The following CDK12 variants were observed in gnomAD, a reference collection of about 807,000 sequenced individuals.
The protein encoded by CDK12 is cyclin dependent kinase 12, also known as cyclin-dependent kinase 12.
In CDK12, 17 loss-of-function variants were observed where a neutral mutation model predicts 133.8. The observed-to-expected ratio is 0.13, with a 90% CI of 0.09 to 0.19. CDK12 has a LOEUF of 0.19. Ranked by LOEUF, CDK12 falls within the 10% of genes least tolerant of loss-of-function variation. The pLI is 1.00. For synonymous variants in CDK12, 694 were observed against 683.6 expected (o/e 1.02, Z -0.24); for missense variants, 1,508 against 1,818.7 (o/e 0.83, Z 3.11).
chr17:39,463,808 C>G (rs2049111979), intron 1 of CDK12, among the ~76,000 whole-genome samples: 1 of 151,814 alleles, frequency 6.6e-6, no homozygotes, highest in African/African-American at 2.4e-5. Context: ...CTCTAAAACA[C>G]ATAGTAATAA....
At chr17:39,536,215 A>G (rs2055128370), downstream of CDK12, among the ~76,000 whole-genome samples, 1 of 151,630 alleles carries the variant, frequency 6.6e-6, no homozygotes, top group African/African-American at 2.4e-5. Context: ...CTTTCTCCCC[A>G]CTCACCATTC....
In CDK12 at chr17:39,462,162, AACAGCAGAGAGCGTC is replaced by A. The variant is rs1567667826; in HGVS notation, c.94_108del (p.Ser32_His36del). 1 of 1,614,160 alleles carries A rather than the reference AACAGCAGAGAGCGTC, an allele frequency of 6.2e-7. No homozygotes were observed. Among genetic ancestry groups the A allele is most frequent in the South Asian group, 1.1e-5 (1 of 91,084 alleles). ...GCCGTCATCGGGAGGCGGCAGCTCT[AACAGCAGAGAGCGTC>A]ACCGCTTGGTATCGAAGCACAAGCG... On this transcript the variant is annotated inframe_deletion, in exon 1 of 14. Coordinates refer to ENST00000447079, the MANE Select transcript of CDK12 (RefSeq NM_016507.4).
chr17:39,482,503 C>G (rs2050790240), intron 2 of CDK12, among the ~76,000 whole-genome samples: 1 of 150,610 alleles, frequency 6.6e-6, no homozygotes, highest in African/African-American at 2.4e-5. Flanking sequence ...GGGAACACTT[C>G]ACGAATTTGT....
chr17:39,548,768 AG>A (rs2055831022), upstream of CDK12, among the ~76,000 whole-genome samples: 1 of 152,156 alleles, frequency 6.6e-6, no homozygotes. Flanking sequence ...TGTTTCTGCT[AG>A]GGGTGCCAAA....
rs531989405 is a variant in CDK12 at position 39,474,044 on chromosome 17, G to A, written c.1931+2281G>A. 3.9e-5 allele frequency among the ~76,000 whole-genome samples: 6 copies of A among 152,190 alleles called. No homozygotes were observed. In the East Asian group the frequency reaches 7.7e-4, roughly 20 times the overall value. On this transcript the variant is annotated intron_variant, in intron 2 of 13. Coordinates refer to ENST00000447079, the MANE Select transcript of CDK12 (RefSeq NM_016507.4). The stretch of plus-strand genomic sequence containing the variant: ...TGCACTCCAGCCTGGGTGACAGAGC[G>A]AAACTTTGTCTCAAAACAGTATATA...
Position 39,526,183 on chromosome 17 carries a change from A to T in CDK12, c.3627A>T (p.Ile1209=). 6.2e-7 allele frequency: 1 copy of T among 1,614,136 alleles called. No individual in the cohort carries two copies. The highest frequency in any genetic ancestry group is 8.5e-7 in the Non-Finnish European group (1 of 1,180,030). The change falls in exon 13 of 14, where the codon ATA becomes ATT. Residue 1209 remains isoleucine, a synonymous_variant. Transcript: ENST00000447079. ...GCACACCAGCTGACATGCAGAATAT[A>T]TTGGCAGTTCTCTTGAGTCAGCTGA... is the stretch of plus-strand genomic sequence containing the variant. ...ASSTPADMQN[I]LAVLLSQLMK...
chr17:39,483,799 C>T (rs778390160), intron 2 of CDK12, among the ~76,000 whole-genome samples: 6 of 151,308 alleles, frequency 4.0e-5, no homozygotes, highest in East Asian at 1.9e-4. Context: ...AGAGTACAGG[C>T]GTGAGCCACC....
At chr17:39,476,181 C>A (rs2050177096) in intron 2 of CDK12, among the ~76,000 whole-genome samples, 1 of 151,656 alleles carries the variant, frequency 6.6e-6, no homozygotes, top group African/African-American at 2.4e-5. Flanking sequence ...GTGGCAAGAT[C>A]TTGGCTCACT....
intron 9 of CDK12, among the ~76,000 whole-genome samples, chr17:39,517,205 ATTTAGGATTAT>A (rs779915936): frequency 2.8e-4 from 43 of 152,336 alleles, no homozygotes; most frequent in Admixed American, 6.5e-4. Flanking sequence ...AATGTGGATC[ATTTAGGATTAT>A]TATCCGAGTA....
At chr17:39,525,743 T>C in intron 12 of CDK12, 121 bp from the exon 13 acceptor site, 2 of 711,532 alleles carry the variant, frequency 2.8e-6, no homozygotes, top group Non-Finnish European at 4.7e-6. Flanking sequence ...CATGAAAAAA[T>C]GAGACATTTA....
chr17:39,543,930 G>C (rs1290626242), upstream of CDK12: 2 of 225,386 alleles, frequency 8.9e-6, no homozygotes, highest in Non-Finnish European at 1.9e-5. Context: ...AACCTTCATT[G>C]ATCTTTATGA....
intron 7 of CDK12, among the ~76,000 whole-genome samples, chr17:39,510,906 C>G (rs915411599): frequency 7.2e-6 from 1 of 138,862 alleles, no homozygotes; most frequent in African/African-American, 2.6e-5. Context: ...AGCCACCGTG[C>G]CTGGCCTTTT....
At chr17:39,545,702 G>A (rs568818539), upstream of CDK12, among the ~76,000 whole-genome samples, 4 of 151,314 alleles carry the variant, frequency 2.6e-5, no homozygotes, top group Non-Finnish European at 2.9e-5. Flanking sequence ...GTTTCACCAT[G>A]TTGGCCAGGC....
intron 8 of CDK12, among the ~76,000 whole-genome samples, chr17:39,512,313 C>T (rs2053550698): frequency 6.6e-6 from 1 of 152,176 alleles, no homozygotes; most frequent in Non-Finnish European, 1.5e-5. Context: ...TAACCACCCA[C>T]CCAGGGTCAG....
Position 39,490,684 on chromosome 17 carries a change from G to A in CDK12, c.2059G>A (p.Glu687Lys). 2 of 1,613,554 alleles carry A rather than the reference G, an allele frequency of 1.2e-6. No individual in the cohort carries two copies. Among genetic ancestry groups the A allele is most frequent in the African/African-American group, 1.3e-5 (1 of 74,928 alleles). Residue 687 changes from glutamate to lysine, a missense_variant, in exon 3 of 14, where the codon GAA becomes AAA. Physicochemically the swap from Glu to Lys is moderately conservative, Grantham distance 56. Around this residue, in one of 9 missense-constraint regions of CDK12, gnomAD observed 347 missense variants for 330.8 expected, o/e 1.05. Transcript: ENST00000447079. The part of the protein sequence containing the change: ...GGDLSPPDSP[E>K]PKAITPPQQP... ...AGATCTGTCTCCCCCAGACTCTCCAGAACCAAAGGCAATCACACCACCTCA... is the reference window on the plus strand; with the variant it reads ...AGATCTGTCTCCCCCAGACTCTCCAAAACCAAAGGCAATCACACCACCTCA...
At chr17:39,504,285 A>G (rs1449914701) in intron 6 of CDK12, among the ~76,000 whole-genome samples, 2 of 152,226 alleles carry the variant, frequency 1.3e-5, no homozygotes, top group Non-Finnish European at 2.9e-5. Flanking sequence ...CCAAACTACC[A>G]ATACAGAGTT....
rs371267574 is a variant in CDK12 at position 39,530,709 on chromosome 17, C to T, written c.3866C>T (p.Ala1289Val). Residue 1289 changes from alanine (A) to valine (V), a missense_variant, in exon 14 of 14, where the codon GCC (alanine) becomes GTC (valine). By Grantham distance (64) the Ala-to-Val change is moderately conservative. Coordinates refer to ENST00000447079, the MANE Select transcript of CDK12 (RefSeq NM_016507.4). The stretch of plus-strand genomic sequence containing the variant: ...CTGGTTGAAGGCGATCTTTCCAGCG[C>T]CCCCCAGGAGTTGAACCCAGCCGTG... ...PPLVEGDLSS[A>V]PQELNPAVTA... 6.2e-7 allele frequency: 1 copy of T among 1,613,762 alleles called. No homozygotes were observed. Among genetic ancestry groups the T allele is most frequent in the Non-Finnish European group, 8.5e-7 (1 of 1,179,938 alleles).
In CDK12 at chr17:39,482,599, A is replaced by AT. The variant is rs71147345; in HGVS notation, c.1932-7937dup. Among the ~76,000 whole-genome samples, 274 of 74,410 alleles carry AT rather than the reference A, an allele frequency of 3.7e-3. 23 individuals are homozygous for AT. The highest frequency in any genetic ancestry group is 6.9e-3 in the African/African-American group (162 of 23,482). 48.8% of individuals were successfully genotyped at this position (74,410 alleles called of 152,430 possible). ...GCTGCCAAAGTGAACAATCAACTAC[A>AT]TTTTTTTTTTTTTTTTTTTTTGAGG... On this transcript the variant is annotated intron_variant, in intron 2 of 13. Coordinates refer to ENST00000447079, the MANE Select transcript of CDK12 (RefSeq NM_016507.4).
At chr17:39,555,702 A>G (rs1349937330) in intron 2 of CDK12, among the ~76,000 whole-genome samples, 1 of 151,726 alleles carries the variant, frequency 6.6e-6, no homozygotes, top group Admixed American at 6.6e-5. Flanking sequence ...AGATAAAAGA[A>G]TCATGCCATG....
Sources: allele counts gnomAD v4.1 joint callset (sites outside exome capture counted in the v4.1 genomes callset), GRCh38; gene constraint gnomAD v4.1.1; regional missense constraint gnomAD v4.1.1; transcripts MANE v1.5; gene names NCBI Gene and HGNC (gene_info 2026-07-23, HGNC 2026-07-21).